ZNF514: variants seen among roughly 807,000 people sequenced by gnomAD.
ZNF514 encodes the protein zinc finger protein 514.
Under a neutral mutation model 9.7 loss-of-function variants are expected in ZNF514, and 12 were observed. That is an observed-to-expected ratio of 1.24 (90% CI 0.79 to 2.01). The LOEUF is 2.01. Among genes scored for constraint, ZNF514 ranks in the 30% most tolerant of loss-of-function variants. The pLI, the probability that ZNF514 is intolerant of heterozygous loss-of-function variation, is 0.00. For missense variants in ZNF514, 467 were observed against 465.5 expected (o/e 1.00, Z -0.03); for synonymous variants, 158 against 163.7 (o/e 0.97, Z 0.27).
At chr2:95,123,626 G>C in the ZNF514 span, among the ~76,000 whole-genome samples, 1 of 152,212 alleles carries the variant, frequency 6.6e-6, no homozygotes, top group African/African-American at 2.4e-5. Flanking sequence ...GCTGTGGGTA[G>C]GGGTTGAGAG....
the ZNF514 span, among the ~76,000 whole-genome samples, chr2:95,127,721 G>A: frequency 6.6e-6 from 1 of 152,118 alleles, no homozygotes; most frequent in African/African-American, 2.4e-5. Context: ...TGGTTCTCCT[G>A]CCTTAGCCTC....
the ZNF514 span, among the ~76,000 whole-genome samples, chr2:95,125,326 C>T: frequency 1.5e-3 from 233 of 151,680 alleles, no homozygotes; most frequent in African/African-American, 5.2e-3. Context: ...CTGCAACCTC[C>T]GCCTCCTGGG....
chr2:95,127,740 C>T, the ZNF514 span, among the ~76,000 whole-genome samples: 1 of 152,124 alleles, frequency 6.6e-6, no homozygotes, highest in Non-Finnish European at 1.5e-5. Flanking sequence ...TCACAAGTAG[C>T]TGGGATTACA....
chr2:95,133,564 G>A, the ZNF514 span, among the ~76,000 whole-genome samples: 5 of 152,288 alleles, frequency 3.3e-5, no homozygotes, highest in East Asian at 5.8e-4. Flanking sequence ...TTCCTTATCT[G>A]TGGATTCAGC....
intron 3 of ZNF514, 71 bp downstream of exon 3, chr2:95,153,062 C>T (rs1350163171): frequency 1.7e-5 from 27 of 1,555,492 alleles, no homozygotes; most frequent in Non-Finnish European, 2.0e-5. Context: ...CCAGCCCAGA[C>T]ACCACTAGCT....
the ZNF514 span, among the ~76,000 whole-genome samples, chr2:95,131,563 C>T: frequency 1.3e-5 from 2 of 152,198 alleles, no homozygotes; most frequent in Admixed American, 6.5e-5. Flanking sequence ...TTTCCAGTGT[C>T]GGGTGTCAGG....
intron 2 of ZNF514, chr2:95,153,903 C>T (rs1573380392): frequency 6.6e-6 from 1 of 152,216 alleles, no homozygotes; most frequent in African/African-American, 2.4e-5. Context: ...GTAAGTACTA[C>T]AAATTCCTGT....
intron 2 of ZNF514, among the ~76,000 whole-genome samples, chr2:95,156,882 C>G (rs1673701300): frequency 6.6e-6 from 1 of 152,140 alleles, no homozygotes; most frequent in African/African-American, 2.4e-5. Context: ...CTGTCCATAC[C>G]CTCAGAACCT....
Position 95,145,766 on chromosome 2 carries a change from G to A in ZNF514, c.*3516C>T, listed in dbSNP as rs1673344290. 6.6e-6 allele frequency among the ~76,000 whole-genome samples: 1 copy of A among 152,130 alleles called. No homozygotes were observed. Reference sequence around the variant, plus strand: ...TAAAAATGCATGAAACCAAGCTGTAGCCTGACAGCACAATTGTCTCTTCCT... The same window carrying A: ...TAAAAATGCATGAAACCAAGCTGTAACCTGACAGCACAATTGTCTCTTCCT... On this transcript the variant is annotated 3_prime_UTR_variant, in exon 5 of 5. Transcript: ENST00000295208.
chr2:95,126,672 T>C, the ZNF514 span, among the ~76,000 whole-genome samples: 1 of 152,194 alleles, frequency 6.6e-6, no homozygotes, highest in Admixed American at 6.5e-5. Flanking sequence ...TTGAGTAAAA[T>C]GTCTTTTGCT....
At chr2:95,134,139 T>C in the ZNF514 span, among the ~76,000 whole-genome samples, 2 of 152,166 alleles carry the variant, frequency 1.3e-5, no homozygotes, top group Non-Finnish European at 2.9e-5. Flanking sequence ...GCCAAATTTT[T>C]TTATTGGGAG....
In ZNF514 at chr2:95,149,956, C is replaced by A. The variant is rs781304092; in HGVS notation, c.529G>T (p.Gly177Ter). 6.2e-7 allele frequency: 1 copy of A among 1,614,182 alleles called. No homozygotes were observed. Among genetic ancestry groups the A allele is most frequent in the African/African-American group, 1.3e-5 (1 of 75,036 alleles). Residue 177 changes from glycine to a stop codon, truncating the protein, a stop_gained, in exon 5 of 5, where the codon GGA becomes TGA. Transcript: ENST00000295208. LOFTEE classifies it low-confidence loss of function (END_TRUNC). ...AATTCTGTATCACATTTATAAGATC[C>A]TTCTCCCATGAGAATGCTGTGTTGG... ...VNQHSILMGE[G>*]SYKCDTEFRQ...
intron 2 of ZNF514, among the ~76,000 whole-genome samples, chr2:95,156,808 G>A (rs1458394797): frequency 6.6e-6 from 1 of 152,118 alleles, no homozygotes; most frequent in Admixed American, 6.5e-5. Context: ...AGTTAAGTGT[G>A]CCTCCTCCCT....
chr2:95,130,556 C>T, the ZNF514 span, among the ~76,000 whole-genome samples: 2 of 152,302 alleles, frequency 1.3e-5, no homozygotes, highest in East Asian at 3.9e-4. Flanking sequence ...GGTTCAGAGA[C>T]CTACCCCTAG....
chr2:95,138,906 G>A, the ZNF514 span, among the ~76,000 whole-genome samples: 1 of 152,248 alleles, frequency 6.6e-6, no homozygotes, highest in Admixed American at 6.5e-5. Flanking sequence ...AGGACTGAAT[G>A]GTTTTATGGG....
At chr2:95,142,986 T>A (rs1301150439), downstream of ZNF514, among the ~76,000 whole-genome samples, 1 of 152,220 alleles carries the variant, frequency 6.6e-6, no homozygotes, top group Non-Finnish European at 1.5e-5. Flanking sequence ...TTACTCTACT[T>A]GGATTAATCA....
chr2:95,135,353 T>C, the ZNF514 span, among the ~76,000 whole-genome samples: 5 of 152,170 alleles, frequency 3.3e-5, no homozygotes, highest in Non-Finnish European at 7.3e-5. Flanking sequence ...TTTGATGCCA[T>C]TGTATTACAC....
chr2:95,133,626 A>C, the ZNF514 span, among the ~76,000 whole-genome samples: 2 of 152,186 alleles, frequency 1.3e-5, no homozygotes, highest in South Asian at 4.1e-4. Flanking sequence ...GTCTGTACTA[A>C]ACATGTACAG....
chr2:95,147,435 C>G lies in ZNF514; in HGVS notation c.*1847G>C, dbSNP rs964602144. ...TGAAGTTACCAAATCGTTCAACCAT[C>G]ACCACCATCTAGTTTTAGAACATTT... is the stretch of plus-strand genomic sequence containing the variant. On this transcript the variant is annotated 3_prime_UTR_variant, in exon 5 of 5. Transcript: ENST00000295208. 7.2e-5 allele frequency: 11 copies of G among 152,174 alleles called. No individual in the cohort carries two copies. Among genetic ancestry groups the G allele is most frequent in the African/African-American group, 2.4e-4 (10 of 41,454 alleles). The allele number at this position is 152,174 out of a possible 1,614,324, so 9.4% of individuals were successfully genotyped here. A position where few individuals can be genotyped will look rare whatever the true frequency, so the allele number is the denominator to read the frequency against.
Sources: gnomAD v4.1 joint callset for allele counts (sites outside exome capture counted in the v4.1 genomes callset) on GRCh38, gnomAD v4.1.1 for gene constraint, MANE v1.5 for transcripts, NCBI Gene and HGNC (gene_info 2026-07-23, HGNC 2026-07-21) for gene names.